SSPN: variants seen among roughly 807,000 people sequenced by gnomAD.
SSPN encodes the protein K-ras oncogene-associated protein.
Under a neutral mutation model 19.1 loss-of-function variants are expected in SSPN, and 15 were observed. The observed-to-expected ratio is 0.78, with a 90% CI of 0.52 to 1.21. SSPN has a LOEUF of 1.21. Ranked by LOEUF, SSPN falls within the 50% of genes most tolerant of loss-of-function variation. SSPN has a pLI of 0.00. For synonymous variants in SSPN, 147 were observed against 140.3 expected (o/e 1.05, Z -0.34); for missense variants, 291 against 314.0 (o/e 0.93, Z 0.55).
chr12:26,192,593 C>T (rs17380837), upstream of SSPN, among the ~76,000 whole-genome samples: 37,294 of 152,144 alleles, frequency 0.25, 5,133 homozygotes, highest in South Asian at 0.37. Context: ...ATCCTCGTCA[C>T]TATCATCTTA....
chr12:26,220,816 T>C (rs934059757), intron 1 of SSPN, among the ~76,000 whole-genome samples: 2 of 152,160 alleles, frequency 1.3e-5, no homozygotes, highest in Non-Finnish European at 2.9e-5. Flanking sequence ...AGCTCTTACA[T>C]CTTTACCTTA....
In SSPN at chr12:26,234,598, A is replaced by G. The variant is rs193090676; in HGVS notation, c.*3522A>G. 8 of 152,216 alleles carry G rather than the reference A, an allele frequency of 5.3e-5. No individual in the cohort carries two copies. Among genetic ancestry groups the G allele is most frequent in the Non-Finnish European group, 1.2e-4 (8 of 68,046 alleles). 9.4% of individuals were successfully genotyped at this position (152,216 alleles called of 1,614,324 possible). A position where few individuals can be genotyped will look rare whatever the true frequency, so the allele number is the denominator to read the frequency against. On this transcript the variant is annotated 3_prime_UTR_variant, in exon 3 of 3. Transcript: ENST00000242729. ...TTCTAGTAGTTTATTATCTCAAATG[A>G]TTATTATCCCCTTCAAAAATACTGG...
At chr12:26,134,132 A>C (rs547654685) in intron 1 of SSPN, among the ~76,000 whole-genome samples, 1 of 152,226 alleles carries the variant, frequency 6.6e-6, no homozygotes, top group East Asian at 1.9e-4. Flanking sequence ...CTCATCACTC[A>C]TTTCTCTGCC....
intron 1 of SSPN, among the ~76,000 whole-genome samples, chr12:26,208,062 G>A (rs1591882103): frequency 1.3e-5 from 2 of 151,950 alleles, no homozygotes; most frequent in African/African-American, 4.8e-5. Context: ...TCTTGTTGAA[G>A]AAAATTTGTT....
At chr12:26,184,464 G>A (rs1242267250) in intron 1 of SSPN, among the ~76,000 whole-genome samples, 3 of 152,186 alleles carry the variant, frequency 2.0e-5, no homozygotes, top group African/African-American at 7.2e-5. Flanking sequence ...CAGTTCAATG[G>A]CCTCAATAGT....
intron 1 of SSPN, among the ~76,000 whole-genome samples, chr12:26,212,430 C>T (rs963807739): frequency 6.6e-6 from 1 of 151,956 alleles, no homozygotes; most frequent in Non-Finnish European, 1.5e-5. Flanking sequence ...GAAATTTTGA[C>T]CTGGATTTTT....
At chr12:26,174,000 AT>A (rs1484540182) in intron 1 of SSPN, among the ~76,000 whole-genome samples, 1 of 152,236 alleles carries the variant, frequency 6.6e-6, no homozygotes, top group Non-Finnish European at 1.5e-5. Flanking sequence ...TATTAAGTTT[AT>A]AAATTTTTTA....
intron 1 of SSPN, among the ~76,000 whole-genome samples, chr12:26,164,334 T>G (rs1254588640): frequency 1.3e-5 from 2 of 152,244 alleles, no homozygotes; most frequent in Non-Finnish European, 2.9e-5. Context: ...TTAAAGAATC[T>G]CACCAGGTGA....
At chr12:26,188,801 T>C (rs920332790) in intron 1 of SSPN, among the ~76,000 whole-genome samples, 5 of 152,350 alleles carry the variant, frequency 3.3e-5, no homozygotes, top group African/African-American at 9.6e-5. Flanking sequence ...ATGGGACTTA[T>C]GGTCAGGACT....
rs534262916 is a variant in SSPN at position 26,208,421 on chromosome 12, A to G, written c.279+12470A>G. On this transcript the variant is annotated intron_variant, in intron 1 of 2. Coordinates refer to ENST00000242729, the MANE Select transcript of SSPN (RefSeq NM_005086.5). ...TGTGTTCTATCATTTATTTATTCAAAAAATATTTTCTATGGGTTGTTCGTT... is the reference window on the plus strand; with the variant it reads ...TGTGTTCTATCATTTATTTATTCAAGAAATATTTTCTATGGGTTGTTCGTT... 1.9e-4 allele frequency among the ~76,000 whole-genome samples: 29 copies of G among 152,248 alleles called. No homozygotes were observed. The East Asian group carries it at 4.8e-3, about 25-fold the overall frequency.
rs1207883802 is a variant in SSPN, at chr12:26,233,333, T to G, written c.*2257T>G. On this transcript the variant is annotated 3_prime_UTR_variant, in exon 3 of 3. Coordinates refer to ENST00000242729, the MANE Select transcript of SSPN (RefSeq NM_005086.5). The surrounding 1 kb of genome is among the most constrained non-coding windows in gnomAD (Gnocchi z 4.3). ...TTATAATAGTATAACCGTCAGGAGA[T>G]ATATATATATATATATACACATACA... 1 of 19,156 alleles carries G rather than the reference T, an allele frequency of 5.2e-5. No homozygotes were observed. Among genetic ancestry groups the G allele is most frequent in the South Asian group, 2.4e-3 (1 of 422 alleles). The allele number at this position is 19,156 out of a possible 1,614,324, so 1.2% of individuals were successfully genotyped here.
In SSPN at chr12:26,201,009, GTGTATATATA is replaced by G. The variant is rs1435616579; in HGVS notation, c.279+5060_279+5069del. Among the ~76,000 whole-genome samples the G allele has an allele frequency of 3.6e-4, 17 of 47,386 alleles. 1 individual carries two copies. Among genetic ancestry groups the G allele is most frequent in the Non-Finnish European group, 5.8e-4 (14 of 24,150 alleles). The allele number at this position is 47,386 out of a possible 152,430, so 31.1% of individuals were successfully genotyped here. A position where few individuals can be genotyped will look rare whatever the true frequency, so the allele number is the denominator to read the frequency against. ...TTATTCTGGCAAAAGAAGTTAATTT[GTGTATATATA>G]TATATATATATATATATATATATAT... is the stretch of plus-strand genomic sequence containing the variant. On this transcript the variant is annotated intron_variant, in intron 1 of 2. Coordinates refer to ENST00000242729, the MANE Select transcript of SSPN (RefSeq NM_005086.5).
At chr12:26,224,035 A>G (rs1038020007) in intron 1 of SSPN, among the ~76,000 whole-genome samples, 1 of 152,208 alleles carries the variant, frequency 6.6e-6, no homozygotes, top group African/African-American at 2.4e-5. Context: ...TCATCGTCAT[A>G]TACTCTGAAG....
Position 26,124,404 on chromosome 12 carries a change from A to G in SSPN, c.-31+2252A>G, listed in dbSNP as rs1944343986. On this transcript the variant is annotated intron_variant, in intron 1 of 2. Coordinates refer to the SSPN transcript ENST00000538142. ...ACCCAGCAAGCCACTTAAAATTCAC[A>G]GTTGGGGAAGCTCAGGGGCTGGAAT... 4.2e-6 allele frequency: 5 copies of G among 1,187,860 alleles called. No individual in the cohort carries two copies. The Admixed American group carries it at 8.6e-5, about 20-fold the overall frequency. The allele number at this position is 1,187,860 out of a possible 1,614,324, so 73.6% of individuals were successfully genotyped here. A position where few individuals can be genotyped will look rare whatever the true frequency, so the allele number is the denominator to read the frequency against.
chr12:26,152,363 G>A (rs1410983969), intron 1 of SSPN, among the ~76,000 whole-genome samples: 2 of 152,060 alleles, frequency 1.3e-5, no homozygotes, highest in African/African-American at 2.4e-5. Flanking sequence ...TAAGTTTTAG[G>A]CATGCGTTAC....
chr12:26,233,848 C>G lies in SSPN; in HGVS notation c.*2772C>G, dbSNP rs1178567505. On this transcript the variant is annotated 3_prime_UTR_variant, in exon 3 of 3. Coordinates refer to ENST00000242729, the MANE Select transcript of SSPN (RefSeq NM_005086.5). The surrounding 1 kb of genome is among the most constrained non-coding windows in gnomAD (Gnocchi z 4.3). ...ACTTGAAACAGGAGGAATACACCAG[C>G]CTAAATGTACAGACTTTGTAGCCGA... 1 of 152,232 alleles carries G rather than the reference C, an allele frequency of 6.6e-6. No individual in the cohort carries two copies. Among genetic ancestry groups the G allele is most frequent in the African/African-American group, 2.4e-5 (1 of 41,436 alleles). 9.4% of individuals were successfully genotyped at this position (152,232 alleles called of 1,614,324 possible). A position where few individuals can be genotyped will look rare whatever the true frequency, so the allele number is the denominator to read the frequency against.
chr12:26,193,618 G>A (rs957254035), upstream of SSPN, among the ~76,000 whole-genome samples: 51 of 152,190 alleles, frequency 3.4e-4, no homozygotes, highest in African/African-American at 1.2e-3. Flanking sequence ...CCCAAGTCAG[G>A]TGGGTGTCCT....
At chr12:26,227,550 T>C (rs138092709) in intron 2 of SSPN, among the ~76,000 whole-genome samples, 1 of 152,350 alleles carries the variant, frequency 6.6e-6, no homozygotes, top group East Asian at 1.9e-4. Flanking sequence ...AATGCATTGT[T>C]ACTCCCACAT....
At chr12:26,183,825 G>A (rs752926876) in intron 1 of SSPN, among the ~76,000 whole-genome samples, 1 of 152,154 alleles carries the variant, frequency 6.6e-6, no homozygotes, top group Non-Finnish European at 1.5e-5. Flanking sequence ...ACAAAGCCTG[G>A]GCTAGACACT....
Sources: allele counts gnomAD v4.1 joint callset (sites outside exome capture counted in the v4.1 genomes callset), GRCh38; gene constraint gnomAD v4.1.1; non-coding constraint Gnocchi (gnomAD v3.1); transcripts MANE v1.5; gene names NCBI Gene and HGNC (gene_info 2026-07-23, HGNC 2026-07-21).